CTDP1: variants seen among roughly 807,000 people sequenced by gnomAD.
CTDP1 encodes the protein CTD phosphatase 1, also known as RNA polymerase II subunit A C-terminal domain phosphatase.
CTDP1 carries 47 observed loss-of-function variants against 91.8 expected under a neutral mutation model. That is an observed-to-expected ratio of 0.51 (90% CI 0.41 to 0.65). The LOEUF is 0.65. Ranked by LOEUF, CTDP1 falls within the 30% of genes least tolerant of loss-of-function variation. CTDP1 has a pLI of 0.00. For missense variants in CTDP1, 1,272 were observed against 1,373.7 expected (o/e 0.93, Z 1.17); for synonymous variants, 656 against 598.5 (o/e 1.10, Z -1.40).
At chr18:79,701,522 A>T (rs2085856343) in intron 4 of CTDP1, among the ~76,000 whole-genome samples, 1 of 87,788 alleles carries the variant, frequency 1.1e-5, no homozygotes. Context: ...AAAAAATAAT[A>T]AATAAATTAA....
chr18:79,718,972 G>A (rs1281173523), intron 10 of CTDP1, among the ~76,000 whole-genome samples: 3 of 152,190 alleles, frequency 2.0e-5, no homozygotes, highest in Non-Finnish European at 4.4e-5. Context: ...ATCCAGCACT[G>A]TCCCTGCGTG....
At chr18:79,684,638 C>G (rs2085447105) in intron 1 of CTDP1, among the ~76,000 whole-genome samples, 2 of 152,126 alleles carry the variant, frequency 1.3e-5, no homozygotes, top group Admixed American at 1.3e-4. Context: ...CAAGGTGGGT[C>G]CGTGCCCTCG....
At chr18:79,753,129 G>C (rs963612092) in intron 12 of CTDP1, among the ~76,000 whole-genome samples, 23 of 152,096 alleles carry the variant, frequency 1.5e-4, no homozygotes, top group Non-Finnish European at 3.2e-4. Flanking sequence ...GTACTGGCTG[G>C]TTATGCAGAG....
At chr18:79,678,987 C>T, upstream of CTDP1, 1 of 229,404 alleles carries the variant, frequency 4.4e-6, no homozygotes, top group South Asian at 4.6e-5. Flanking sequence ...TGGCCGCCCG[C>T]CCGCCAGCTT....
chr18:79,739,529 C>G (rs2086732907), intron 12 of CTDP1, among the ~76,000 whole-genome samples: 1 of 152,146 alleles, frequency 6.6e-6, no homozygotes, highest in Admixed American at 6.5e-5. Context: ...ACCACACGAG[C>G]ATGATTAGAA....
At chr18:79,715,851 C>T (rs2086196722) in intron 8 of CTDP1, among the ~76,000 whole-genome samples, 1 of 152,158 alleles carries the variant, frequency 6.6e-6, no homozygotes, top group South Asian at 2.1e-4. Context: ...AAATTCGAGG[C>T]AGGAACAGGA....
intron 10 of CTDP1, among the ~76,000 whole-genome samples, chr18:79,723,279 C>T (rs928105971): frequency 2.4e-4 from 36 of 152,284 alleles, no homozygotes; most frequent in African/African-American, 7.0e-4. Flanking sequence ...CAGTGGGTCC[C>T]GTGCCTGAGT....
At chr18:79,751,332 G>A (rs1462049279) in intron 12 of CTDP1, among the ~76,000 whole-genome samples, 2 of 149,846 alleles carry the variant, frequency 1.3e-5, no homozygotes, top group African/African-American at 2.4e-5. Context: ...GAGGGGCTGG[G>A]CACAGAGGCA....
At position 79,681,512 on chromosome 18, in the gene CTDP1, A is replaced by G. The variant is rs184457576; in HGVS notation, c.314+1251A>G. On this transcript the variant is annotated intron_variant, in intron 1 of 12. Coordinates refer to ENST00000613122, the MANE Select transcript of CTDP1 (RefSeq NM_004715.5). ...TGTACAGAAAGGGCTGCTTTGGCCT[A>G]GACAGGTGAGTAACTTGGTTATGTG... 4.4e-4 allele frequency: 435 copies of G among 984,784 alleles called. 1 individual carries two copies. In the African/African-American group the frequency reaches 6.2e-3, roughly 14 times the overall value. 61.0% of individuals were successfully genotyped at this position (984,784 alleles called of 1,614,324 possible).
At chr18:79,753,508 C>G (rs145176067) in intron 12 of CTDP1, 144 bp from the exon 13 acceptor site, 82 of 1,274,880 alleles carry the variant, frequency 6.4e-5, no homozygotes, top group Middle Eastern at 1.8e-4. Flanking sequence ...GGCCCTGGGT[C>G]GGTGGCCTGT....
chr18:79,729,081 C>T lies in CTDP1; in HGVS notation c.2580+12C>T. The stretch of plus-strand genomic sequence containing the variant: ...GTATGGACAAAGAGGTGAGCCAACC[C>T]CACGCCCCGGTGCCCGCGCCAGCGC... On this transcript the variant is annotated intron_variant, in intron 11 of 12. Coordinates refer to ENST00000613122, the MANE Select transcript of CTDP1 (RefSeq NM_004715.5). 6.2e-7 allele frequency: 1 copy of T among 1,612,420 alleles called. No homozygotes were observed. The highest frequency in any genetic ancestry group is 8.5e-7 in the Non-Finnish European group (1 of 1,180,010).
upstream of CTDP1, chr18:79,679,127 A>AT (rs3833179): frequency 0.14 from 36,012 of 265,170 alleles, 3,082 homozygotes; most frequent in Non-Finnish European, 0.19. Context: ...CTGCGGTCCG[A>AT]TTTTCTGAAC....
chr18:79,731,087 C>T (rs1361972953), intron 11 of CTDP1, among the ~76,000 whole-genome samples: 2 of 152,178 alleles, frequency 1.3e-5, no homozygotes, highest in Admixed American at 1.3e-4. Flanking sequence ...GCCTGTGAGA[C>T]GGACTAGGTA....
At chr18:79,696,735 G>A (rs1376495765) in intron 3 of CTDP1, among the ~76,000 whole-genome samples, 1 of 152,140 alleles carries the variant, frequency 6.6e-6, no homozygotes, top group Non-Finnish European at 1.5e-5. Flanking sequence ...AGAGTGAGAT[G>A]GGTTTTTATC....
Position 79,704,690 on chromosome 18 carries a change from T to A in CTDP1, c.622-77T>A, listed in dbSNP as rs2085930236. On this transcript the variant is annotated intron_variant, in intron 4 of 12. Transcript: ENST00000613122. ...CACACGTGTGTTCTCAGGATGCCTG[T>A]CTCGGGCACACAGGTTGCGGGGGCG... The A allele has an allele frequency of 1.3e-5, 21 of 1,583,360 alleles. No individual in the cohort carries two copies. In the East Asian group the frequency reaches 4.7e-4, roughly 35 times the overall value.
At position 79,717,810 on chromosome 18, in the gene CTDP1, G is replaced by C; in HGVS notation, c.2211G>C (p.Arg737Ser). 6.2e-7 allele frequency: 1 copy of C among 1,613,818 alleles called. No homozygotes were observed. The highest frequency in any genetic ancestry group is 8.5e-7 in the Non-Finnish European group (1 of 1,180,016). The change falls in exon 10 of 13, where the codon AGG becomes AGC. Residue 737 changes from arginine (R) to serine (S), a missense_variant and splice_region_variant. Physicochemically the swap from Arg to Ser is moderately radical, Grantham distance 110 (BLOSUM62 -1). Transcript: ENST00000613122. ...PLRDDHTKAQ[R>S]ENSPAAFPDR... The stretch of plus-strand genomic sequence containing the variant: ...GGCCCTCGTTCTCTTCCTCCGACAG[G>C]GAGAACAGCCCTGCGGCCTTTCCCG...
chr18:79,712,563 T>G (rs2086105770), intron 6 of CTDP1, among the ~76,000 whole-genome samples: 1 of 152,228 alleles, frequency 6.6e-6, no homozygotes, highest in African/African-American at 2.4e-5. Context: ...ATTGCAGGCA[T>G]TAGCCACACA....
At chr18:79,712,456 A>G (rs1016346756) in intron 6 of CTDP1, among the ~76,000 whole-genome samples, 14 of 152,008 alleles carry the variant, frequency 9.2e-5, no homozygotes, top group South Asian at 4.1e-4. Flanking sequence ...TAACTTTTGT[A>G]TGTTTTGTAG....
rs777623040 is a variant in CTDP1 at position 79,715,421 on chromosome 18, C to T, written c.1961C>T (p.Thr654Met). The T allele has an allele frequency of 1.3e-6, 2 of 1,599,800 alleles. No individual in the cohort carries two copies. Among genetic ancestry groups the T allele is most frequent in the African/African-American group, 1.3e-5 (1 of 74,712 alleles). ...CCGACAAACTTCCCGATAGAGAAGA[C>T]GCGGGAGCATTACCACGCCACGGCG... ...LHPTNFPIEK[T>M]REHYHATALG... is the part of the protein sequence containing the mutation. Residue 654 changes from threonine to methionine, a missense_variant, in exon 8 of 13, where the codon ACG (threonine) becomes ATG (methionine). Thr to Met is a moderately conservative substitution (Grantham distance 81). This residue lies in a region of CTDP1 where 881 missense variants were observed against 911.6 expected (regional missense o/e 0.97). Transcript: ENST00000613122.
Sources: gnomAD v4.1 joint callset for allele counts (sites outside exome capture counted in the v4.1 genomes callset) on GRCh38, gnomAD v4.1.1 for gene constraint, gnomAD v4.1.1 regional missense constraint, MANE v1.5 for transcripts, NCBI Gene and HGNC (gene_info 2026-07-23, HGNC 2026-07-21) for gene names.